PTPRG: variants seen among roughly 807,000 people sequenced by gnomAD.
PTPRG encodes the protein receptor-type tyrosine-protein phosphatase gamma.
PTPRG carries 102 observed loss-of-function variants against 165.3 expected under a neutral mutation model. The observed-to-expected ratio is 0.62, with a 90% CI of 0.53 to 0.73. The LOEUF (loss-of-function observed/expected upper bound fraction) is 0.73. PTPRG is among the 30% of genes least tolerant of loss of function. The probability of loss-of-function intolerance (pLI) is 0.00; values close to 1 mark genes in which losing one functional copy is unlikely to be tolerated. For synonymous variants in PTPRG, 675 were observed against 669.5 expected, an observed-to-expected ratio of 1.01 and a Z score of -0.13; for missense variants, 1,866 against 1,861.4, an observed-to-expected ratio of 1.00 and a Z score of -0.05.
At chr3:61,709,041 A>C (rs997353907) in intron 1 of PTPRG, among the ~76,000 whole-genome samples, 6 of 152,260 alleles carry the variant, frequency 3.9e-5, no homozygotes, top group Non-Finnish European at 8.8e-5. Flanking sequence ...TGTTAATTTC[A>C]GCACTATGCA....
At chr3:61,806,982 C>T (rs570916804) in intron 2 of PTPRG, among the ~76,000 whole-genome samples, 5 of 152,294 alleles carry the variant, frequency 3.3e-5, no homozygotes, top group East Asian at 3.9e-4. Context: ...ACAGAGAATA[C>T]AGAATCATGC....
At chr3:61,775,425 G>C (rs888186594) in intron 2 of PTPRG, among the ~76,000 whole-genome samples, 1 of 152,150 alleles carries the variant, frequency 6.6e-6, no homozygotes, top group Non-Finnish European at 1.5e-5. Flanking sequence ...ATGTAGCAAA[G>C]CTTGCAATGC....
chr3:62,132,687 C>T lies in PTPRG; in HGVS notation c.682+19C>T, dbSNP rs1219021762. 6.3e-7 allele frequency: 1 copy of T among 1,582,170 alleles called. No individual in the cohort carries two copies. Among genetic ancestry groups the T allele is most frequent in the African/African-American group, 1.3e-5 (1 of 74,228 alleles). On this transcript the variant is annotated intron_variant, in intron 6 of 29. Transcript: ENST00000474889. Reference sequence around the variant, plus strand: ...CATCATGGTAAGTATGCCACATACACTTCCTTTTGCTGGGATGTGAAGGGC... The same window carrying T: ...CATCATGGTAAGTATGCCACATACATTTCCTTTTGCTGGGATGTGAAGGGC...
At chr3:62,117,671 C>G (rs1316926022) in intron 5 of PTPRG, among the ~76,000 whole-genome samples, 1 of 152,148 alleles carries the variant, frequency 6.6e-6, no homozygotes, top group African/African-American at 2.4e-5. Context: ...TATCTTCAAA[C>G]AAAACAAAAC....
intron 2 of PTPRG, among the ~76,000 whole-genome samples, chr3:61,933,662 A>G (rs745730762): frequency 2.1e-5 from 3 of 139,840 alleles, no homozygotes; most frequent in Non-Finnish European, 4.6e-5. Context: ...GTGTGACTCA[A>G]CATTGACGGT....
At chr3:61,730,761 A>C (rs1329332809) in intron 1 of PTPRG, among the ~76,000 whole-genome samples, 3 of 152,230 alleles carry the variant, frequency 2.0e-5, no homozygotes, top group Non-Finnish European at 4.4e-5. Context: ...AGGAGTGCCT[A>C]GACTTCTTAG....
chr3:62,146,992 G>A (rs934104862), intron 6 of PTPRG, among the ~76,000 whole-genome samples: 8 of 152,184 alleles, frequency 5.3e-5, no homozygotes, highest in Admixed American at 4.6e-4. Context: ...AAGGTCAGGA[G>A]GCATGGTCTT....
At chr3:61,939,046 A>G (rs1365844233) in intron 2 of PTPRG, among the ~76,000 whole-genome samples, 1 of 152,200 alleles carries the variant, frequency 6.6e-6, no homozygotes, top group Non-Finnish European at 1.5e-5. Flanking sequence ...TAATACGTTT[A>G]AATTACTGCA....
intron 4 of PTPRG, among the ~76,000 whole-genome samples, chr3:62,067,415 G>A (rs1402597301): frequency 2.6e-5 from 4 of 152,100 alleles, no homozygotes; most frequent in African/African-American, 9.7e-5. Flanking sequence ...ACGAGGGACC[G>A]GTTTTGGGGA....
intron 1 of PTPRG, among the ~76,000 whole-genome samples, chr3:61,686,120 C>T (rs866698156): frequency 5.9e-5 from 9 of 152,042 alleles, no homozygotes; most frequent in Non-Finnish European, 1.2e-4. Context: ...GTTTTAGTAC[C>T]GAGATGCATG....
chr3:61,695,625 T>A (rs2030529336), intron 1 of PTPRG, among the ~76,000 whole-genome samples: 2 of 152,198 alleles, frequency 1.3e-5, no homozygotes, highest in Admixed American at 6.5e-5. Flanking sequence ...TTGGCTTGAT[T>A]TGATTTTATT....
At chr3:61,688,997 G>A (rs569102647) in intron 1 of PTPRG, among the ~76,000 whole-genome samples, 1 of 152,312 alleles carries the variant, frequency 6.6e-6, no homozygotes, top group South Asian at 2.1e-4. Context: ...TTGGTGGTAC[G>A]ACTGCACTTG....
rs917203978 is a variant in PTPRG, at chr3:62,080,104, T to C, written c.615+1846T>C. 3.3e-5 allele frequency among the ~76,000 whole-genome samples: 5 copies of C among 150,308 alleles called. No homozygotes were observed. The East Asian group carries it at 9.7e-4, about 29-fold the overall frequency. Reference sequence around the variant, plus strand: ...TTTTGAGATGGAGTTTCGCTCTTGTTATGCCCAGGCTGGAGTGCAGTGGCA... The same window carrying C: ...TTTTGAGATGGAGTTTCGCTCTTGTCATGCCCAGGCTGGAGTGCAGTGGCA... On this transcript the variant is annotated intron_variant, in intron 5 of 29. Coordinates refer to ENST00000474889, the MANE Select transcript of PTPRG (RefSeq NM_002841.4).
intron 1 of PTPRG, among the ~76,000 whole-genome samples, chr3:61,717,649 C>T (rs529738237): frequency 3.3e-5 from 5 of 151,928 alleles, no homozygotes; most frequent in South Asian, 2.1e-4. Context: ...ATTAGCTGGG[C>T]GTGGTGGTTT....
intron 2 of PTPRG, among the ~76,000 whole-genome samples, chr3:61,962,871 A>G (rs77177395): frequency 0.013 from 1,991 of 152,156 alleles, 37 homozygotes; most frequent in African/African-American, 0.045. Flanking sequence ...TGTTATGTTT[A>G]TTTTTTTGTT....
intron 2 of PTPRG, among the ~76,000 whole-genome samples, chr3:61,979,359 A>G (rs534974150): frequency 4.4e-4 from 67 of 152,316 alleles, no homozygotes; most frequent in African/African-American, 1.5e-3. Flanking sequence ...TTTTTGGTGA[A>G]TGCCTTGTTT....
At position 62,266,440 on chromosome 3, in the gene PTPRG, A is replaced by G. The variant is rs75835704; in HGVS notation, c.2657-970A>G. Reference sequence around the variant, plus strand: ...TCAGTCTAAGAAATAACAATATGCAATTAATGACTACTAAGGCATAACGGT... The same window carrying G: ...TCAGTCTAAGAAATAACAATATGCAGTTAATGACTACTAAGGCATAACGGT... On this transcript the variant is annotated intron_variant, in intron 17 of 29. Coordinates refer to ENST00000474889, the MANE Select transcript of PTPRG (RefSeq NM_002841.4). 3.3e-3 allele frequency among the ~76,000 whole-genome samples: 504 copies of G among 152,234 alleles called. 2 individuals are homozygous for G. The highest frequency in any genetic ancestry group is 0.011 in the African/African-American group (468 of 41,558).
intron 2 of PTPRG, among the ~76,000 whole-genome samples, chr3:61,796,644 C>G (rs1244663917): frequency 2.0e-5 from 3 of 152,216 alleles, no homozygotes; most frequent in African/African-American, 7.2e-5. Flanking sequence ...CCCTTGTGTG[C>G]AGGATTCTCT....
At chr3:61,916,192 G>T (rs2038932063) in intron 2 of PTPRG, among the ~76,000 whole-genome samples, 2 of 152,166 alleles carry the variant, frequency 1.3e-5, no homozygotes, top group Admixed American at 6.5e-5. Context: ...AACATTAAAA[G>T]TTGGCTGCAT....
Sources: allele counts gnomAD v4.1 joint callset (sites outside exome capture counted in the v4.1 genomes callset), GRCh38; gene constraint gnomAD v4.1.1; transcripts MANE v1.5; gene names NCBI Gene and HGNC (gene_info 2026-07-23, HGNC 2026-07-21).